IGF2: variants seen among roughly 807,000 people sequenced by gnomAD.
The protein encoded by IGF2 is insulin-like growth factor 2.
Under a neutral mutation model 12.0 loss-of-function variants are expected in IGF2, and 2 were observed. The ratio of observed to expected loss-of-function variants is 0.17; its 90% CI spans 0.07 to 0.52. The LOEUF (loss-of-function observed/expected upper bound fraction) is 0.52, where lower values mean the gene tolerates loss of function less well. Ranked by LOEUF, IGF2 falls within the 20% of genes least tolerant of loss-of-function variation. The pLI is 0.95. For missense variants in IGF2, 211 were observed against 268.0 expected, an observed-to-expected ratio of 0.79 and a Z score of 1.48; for synonymous variants, 105 against 110.1, an observed-to-expected ratio of 0.95 and a Z score of 0.29.
upstream of IGF2, chr11:2,140,558 C>A (rs1859501909): frequency 1.0e-5 from 5 of 500,072 alleles, no homozygotes; most frequent in Non-Finnish European, 1.8e-5. Context: ...GCGGGAGCGC[C>A]TCTCCTCCGC....
Position 2,135,405 on chromosome 11 carries a change from G to A in IGF2, c.119C>T (p.Thr40Ile). 6.2e-7 allele frequency: 1 copy of A among 1,613,624 alleles called. No homozygotes were observed. Residue 40 changes from threonine to isoleucine, a missense_variant, in exon 2 of 4, where the codon ACC becomes ATC. Thr to Ile is a moderately conservative substitution (Grantham distance 89, BLOSUM62 -1). Around this residue, in one of 3 missense-constraint regions of IGF2, gnomAD observed 30 missense variants for 79.2 expected, o/e 0.38. Coordinates refer to ENST00000416167, the MANE Select transcript of IGF2 (RefSeq NM_000612.6). ...GCGGTCCCCACAGACGAACTGGAGG[G>A]TGTCCACCAGCTCCCCGCCGCACAG... Reference protein sequence around the residue: ...ETLCGGELVDTLQFVCGDRGF... With the variant: ...ETLCGGELVDILQFVCGDRGF...
upstream of IGF2, among the ~76,000 whole-genome samples, chr11:2,139,579 G>GC (rs1387189960): frequency 7.3e-6 from 1 of 137,764 alleles, no homozygotes; most frequent in South Asian, 2.2e-4. Flanking sequence ...GGGGCCCCGG[G>GC]GGGGGGGCGG....
chr11:2,135,646 G>T, intron 1 of IGF2, 117 bp from the exon 2 acceptor site: 1 of 829,188 alleles, frequency 1.2e-6, no homozygotes, highest in Non-Finnish European at 1.9e-6. Context: ...TGAAAGCACG[G>T]CTTTCCTATA....
At chr11:2,146,640 A>G in the IGF2 span, 145 of 332,168 alleles carry the variant, frequency 4.4e-4, 5 homozygotes, top group South Asian at 3.3e-3. Context: ...TTACCATTTT[A>G]TTGAGTGTCT....
upstream of IGF2, among the ~76,000 whole-genome samples, chr11:2,144,389 C>T (rs1305044235): frequency 1.3e-5 from 2 of 151,804 alleles, no homozygotes; most frequent in Non-Finnish European, 2.9e-5. Context: ...GGAGCACCCC[C>T]GGTGGCCACC....
chr11:2,143,277 C>T (rs1005053599), upstream of IGF2, among the ~76,000 whole-genome samples: 2 of 150,030 alleles, frequency 1.3e-5, no homozygotes, highest in Non-Finnish European at 3.0e-5. Context: ...GTTTAGGGAA[C>T]CCAGGTTAGT....
At chr11:2,149,308 C>A in the IGF2 span, 4 of 1,613,210 alleles carry the variant, frequency 2.5e-6, no homozygotes, top group Non-Finnish European at 3.4e-6. Context: ...GACCCTCTGG[C>A]CAGGTTGACG....
chr11:2,138,639 G>T lies in IGF2; in HGVS notation c.-417C>A. On this transcript the variant is annotated 5_prime_UTR_variant, in exon 1 of 4. Coordinates refer to ENST00000416167, the MANE Select transcript of IGF2 (RefSeq NM_000612.6). Reference sequence around the variant, plus strand: ...GGCGCACAGCGGGAGAGAACAGCACGGAGAGAAACAGAAAGCGTGTAATTA... The same window carrying T: ...GGCGCACAGCGGGAGAGAACAGCACTGAGAGAAACAGAAAGCGTGTAATTA... 2.0e-6 allele frequency: 2 copies of T among 981,218 alleles called. No homozygotes were observed. Among genetic ancestry groups the T allele is most frequent in the Non-Finnish European group, 2.4e-6 (2 of 828,762 alleles). The allele number at this position is 981,218 out of a possible 1,614,324, so 60.8% of individuals were successfully genotyped here.
At position 2,132,404 on chromosome 11, in the gene IGF2, T is replaced by C. The variant is rs680; in HGVS notation, c.*583A>G. The C allele has an allele frequency of 0.75, 142,267 of 189,340 alleles. 54,770 individuals are homozygous for C. The highest frequency in any genetic ancestry group is 0.92 in the African/African-American group (39,644 of 42,862). The allele number at this position is 189,340 out of a possible 1,614,324, so 11.7% of individuals were successfully genotyped here. A position where few individuals can be genotyped will look rare whatever the true frequency, so the allele number is the denominator to read the frequency against. On this transcript the variant is annotated 3_prime_UTR_variant, in exon 4 of 4. Coordinates refer to ENST00000416167, the MANE Select transcript of IGF2 (RefSeq NM_000612.6). ...ACGTGCCCACCTGTGATTTCTGGGGTCCTTCTTTTCTCTTTGCTGGTTCAG... is the reference window on the plus strand; with the variant it reads ...ACGTGCCCACCTGTGATTTCTGGGGCCCTTCTTTTCTCTTTGCTGGTTCAG...
intron 1 of IGF2, chr11:2,137,178 C>T: frequency 1.0e-6 from 1 of 971,734 alleles, no homozygotes. Context: ...CACTCCACAG[C>T]CCTGGTTACC....
At chr11:2,137,337 G>T in intron 1 of IGF2, 1 of 851,718 alleles carries the variant, frequency 1.2e-6, no homozygotes, top group Non-Finnish European at 1.4e-6. Context: ...ACTCCTCCCA[G>T]CCCGGGCTCC....
At chr11:2,144,735 C>T (rs1027624409), upstream of IGF2, among the ~76,000 whole-genome samples, 57 of 144,682 alleles carry the variant, frequency 3.9e-4, no homozygotes, top group Non-Finnish European at 7.2e-4. Flanking sequence ...CAATGTCGGG[C>T]GATGGGGCAG....
the IGF2 span, chr11:2,149,142 G>C: frequency 9.3e-6 from 15 of 1,613,360 alleles, no homozygotes; most frequent in South Asian, 3.3e-5. Flanking sequence ...TCTAGTCCCT[G>C]CGCAGTCCCC....
At chr11:2,138,100 C>T (rs993354800) in intron 1 of IGF2, 129 bp downstream of exon 1, 4 of 450,294 alleles carry the variant, frequency 8.9e-6, no homozygotes, top group South Asian at 9.4e-5. Context: ...CTCCTCCCCC[C>T]CGGGCTCAGC....
rs978361513 is a variant in IGF2, at chr11:2,130,514, GC to G, written c.*2472del. On this transcript the variant is annotated 3_prime_UTR_variant, in exon 4 of 4. Coordinates refer to ENST00000416167, the MANE Select transcript of IGF2 (RefSeq NM_000612.6). ...TTCGTGCGTTCTTGCTTTTGTCACT[GC>G]CCCCCTGTTACATGGGGGGGGGGTT... is the stretch of plus-strand genomic sequence containing the variant. 1 of 201,812 alleles carries G rather than the reference GC, an allele frequency of 5.0e-6. No homozygotes were observed. Among genetic ancestry groups the G allele is most frequent in the Non-Finnish European group, 9.5e-6 (1 of 105,132 alleles). 12.5% of individuals were successfully genotyped at this position (201,812 alleles called of 1,614,324 possible).
At chr11:2,135,300 T>G in intron 2 of IGF2, 67 bp downstream of exon 2, 1 of 1,394,504 alleles carries the variant, frequency 7.2e-7, no homozygotes, top group Non-Finnish European at 9.6e-7. Context: ...TGGCTTGAGG[T>G]TGGGCGTCCT....
upstream of IGF2, among the ~76,000 whole-genome samples, chr11:2,141,881 T>A (rs1220935882): frequency 1.3e-5 from 2 of 152,240 alleles, no homozygotes; most frequent in Non-Finnish European, 2.9e-5. Flanking sequence ...TGCTAATTTT[T>A]AAATGATTTC....
At chr11:2,142,579 G>A (rs1450587970), upstream of IGF2, among the ~76,000 whole-genome samples, 3 of 152,192 alleles carry the variant, frequency 2.0e-5, no homozygotes, top group Non-Finnish European at 4.4e-5. The surrounding 1 kb of genome is among the most constrained non-coding windows in gnomAD (Gnocchi z 5.7). Context: ...GGAGGGCAGC[G>A]TCCAGAACAT....
Position 2,132,254 on chromosome 11 carries a change from CTCTG to C in IGF2, c.*729_*732del. ...CCCCTCCTTTGGTCTTACTGGGTCC[CTCTG>C]ACTGCTCTGTGATTTTTAGTGATGG... On this transcript the variant is annotated 3_prime_UTR_variant, in exon 4 of 4. Coordinates refer to ENST00000416167, the MANE Select transcript of IGF2 (RefSeq NM_000612.6). The C allele has an allele frequency of 5.0e-6, 1 of 201,966 alleles. No individual in the cohort carries two copies. The highest frequency in any genetic ancestry group is 2.3e-5 in the African/African-American group (1 of 43,568). The allele number at this position is 201,966 out of a possible 1,614,324, so 12.5% of individuals were successfully genotyped here.
Sources: gnomAD v4.1 joint callset for allele counts (sites outside exome capture counted in the v4.1 genomes callset) on GRCh38, gnomAD v4.1.1 for gene constraint, gnomAD v4.1.1 regional missense constraint, Gnocchi (gnomAD v3.1) non-coding constraint, MANE v1.5 for transcripts, NCBI Gene and HGNC (gene_info 2026-07-23, HGNC 2026-07-21) for gene names.